The following CFAP61 variants were observed in gnomAD, a reference collection of about 807,000 sequenced individuals.
CFAP61 encodes cilia- and flagella-associated protein 61.
A neutral mutation model predicts 135.6 loss-of-function variants in CFAP61; 107 were observed. That is an observed-to-expected ratio of 0.79 (90% CI 0.67 to 0.93). The LOEUF (loss-of-function observed/expected upper bound fraction) is 0.93, where lower values mean the gene tolerates loss of function less well. Among genes scored for constraint, CFAP61 ranks in the 40% least tolerant of loss-of-function variants. The probability of loss-of-function intolerance (pLI) is 0.00; values close to 1 mark genes in which losing one functional copy is unlikely to be tolerated. For synonymous variants in CFAP61, 575 were observed against 578.5 expected (o/e 0.99, Z 0.09); for missense variants, 1,507 against 1,556.2 (o/e 0.97, Z 0.53).
chr20:20,338,481 G>A (rs939303490), intron 25 of CFAP61, among the ~76,000 whole-genome samples: 5 of 151,760 alleles, frequency 3.3e-5, no homozygotes, highest in Non-Finnish European at 5.9e-5. Context: ...AAAGTGATAT[G>A]TTTCTTCCCT....
intron 25 of CFAP61, chr20:20,323,448 C>T (rs1398242292): frequency 6.7e-6 from 2 of 298,740 alleles, no homozygotes; most frequent in African/African-American, 2.3e-5. Context: ...CAAGAGTTAA[C>T]ATATGATTGC....
Position 20,263,168 on chromosome 20 carries a change from C to T in CFAP61, c.2503+38C>T, listed in dbSNP as rs79442295. Reference sequence around the variant, plus strand: ...GTAACTGTGCATCTCTTCAGAATAGCGTTTTATTTTTATAATGAGTCTCAT... The same window carrying T: ...GTAACTGTGCATCTCTTCAGAATAGTGTTTTATTTTTATAATGAGTCTCAT... On this transcript the variant is annotated intron_variant, in intron 21 of 26. Coordinates refer to ENST00000245957, the MANE Select transcript of CFAP61 (RefSeq NM_015585.4). 2.7e-3 allele frequency: 4,032 copies of T among 1,473,742 alleles called. 71 individuals are homozygous for T. In the African/African-American group the frequency reaches 0.047, roughly 17 times the overall value. 91.3% of individuals were successfully genotyped at this position (1,473,742 alleles called of 1,614,324 possible). A position where few individuals can be genotyped will look rare whatever the true frequency, so the allele number is the denominator to read the frequency against.
intron 24 of CFAP61, among the ~76,000 whole-genome samples, chr20:20,296,261 T>C: frequency 1.9e-5 from 1 of 53,836 alleles, no homozygotes; most frequent in Non-Finnish European, 3.9e-5. Context: ...CCTTCCTTTC[T>C]TCACCCCTCC....
At chr20:20,119,710 G>T (rs190049847) in intron 8 of CFAP61, among the ~76,000 whole-genome samples, 1 of 152,182 alleles carries the variant, frequency 6.6e-6, no homozygotes, top group Non-Finnish European at 1.5e-5. Context: ...CATGTCATGG[G>T]GGTTTGTTGG....
At chr20:20,119,100 T>C (rs1297638494) in intron 8 of CFAP61, among the ~76,000 whole-genome samples, 2 of 152,176 alleles carry the variant, frequency 1.3e-5, no homozygotes, top group Admixed American at 6.5e-5. Flanking sequence ...TCTGTTCTTA[T>C]CTGGTTTTGA....
intron 26 of CFAP61, among the ~76,000 whole-genome samples, chr20:20,344,409 A>G (rs2058561948): frequency 6.6e-6 from 1 of 152,262 alleles, no homozygotes; most frequent in Non-Finnish European, 1.5e-5. Flanking sequence ...GGAAAATAAA[A>G]TAAAATGAAT....
intron 8 of CFAP61, among the ~76,000 whole-genome samples, chr20:20,139,106 G>A (rs1224148342): frequency 1.3e-5 from 2 of 152,080 alleles, no homozygotes; most frequent in Non-Finnish European, 2.9e-5. Flanking sequence ...AATGTAAAAA[G>A]CACAAAATTA....
chr20:20,177,030 T>A (rs1018616249), intron 13 of CFAP61, among the ~76,000 whole-genome samples: 4 of 152,180 alleles, frequency 2.6e-5, no homozygotes, highest in Non-Finnish European at 5.9e-5. Context: ...AGGCCACACC[T>A]ACTTTAAACC....
intron 2 of CFAP61, among the ~76,000 whole-genome samples, chr20:20,058,644 G>C (rs2044555696): frequency 6.6e-6 from 1 of 152,214 alleles, no homozygotes; most frequent in Non-Finnish European, 1.5e-5. Context: ...AATAGAGGGG[G>C]ATAAAGTCTC....
At chr20:20,148,288 G>A (rs1468072000) in intron 9 of CFAP61, among the ~76,000 whole-genome samples, 2 of 152,140 alleles carry the variant, frequency 1.3e-5, no homozygotes, top group Non-Finnish European at 2.9e-5. Context: ...GTTCTGTGAA[G>A]AATGACGATA....
intron 18 of CFAP61, among the ~76,000 whole-genome samples, chr20:20,232,319 AG>A (rs542583958): frequency 1.8e-4 from 28 of 151,936 alleles, no homozygotes; most frequent in Non-Finnish European, 3.2e-4. Context: ...TGACTCTTTC[AG>A]GTTTCCACAA....
intron 26 of CFAP61, among the ~76,000 whole-genome samples, chr20:20,357,919 G>A (rs1221891684): frequency 8.4e-5 from 11 of 130,268 alleles, no homozygotes; most frequent in Admixed American, 1.5e-4. Context: ...CACACTGAGG[G>A]GAGGTGGTCA....
chr20:20,284,410 C>T (rs111300267), intron 22 of CFAP61, among the ~76,000 whole-genome samples: 3 of 152,110 alleles, frequency 2.0e-5, no homozygotes, highest in South Asian at 2.1e-4. Context: ...CTCAGCTTCC[C>T]GAGTAGCTGG....
chr20:20,219,170 A>G lies in CFAP61; in HGVS notation c.1933-9079A>G, dbSNP rs150523061. Reference sequence around the variant, plus strand: ...GTATTCCTTCACTTTTTTACTGCCGATAAAACTTACCCACTCTGTCTAGCT... The same window carrying G: ...GTATTCCTTCACTTTTTTACTGCCGGTAAAACTTACCCACTCTGTCTAGCT... On this transcript the variant is annotated intron_variant, in intron 17 of 26. Coordinates refer to ENST00000245957, the MANE Select transcript of CFAP61 (RefSeq NM_015585.4). Among the ~76,000 whole-genome samples the G allele has an allele frequency of 1.7e-3, 262 of 152,336 alleles. 2 individuals are homozygous for G. Among genetic ancestry groups the G allele is most frequent in the African/African-American group, 6.1e-3 (253 of 41,578 alleles).
chr20:20,205,819 C>T (rs1185452228), intron 17 of CFAP61, among the ~76,000 whole-genome samples: 2 of 152,172 alleles, frequency 1.3e-5, no homozygotes, highest in East Asian at 3.9e-4. Flanking sequence ...TTTGTTGTTA[C>T]AAAAAACCTT....
intron 26 of CFAP61, among the ~76,000 whole-genome samples, chr20:20,348,688 T>TAAAAAA (rs2058719859): frequency 9.3e-5 from 1 of 10,754 alleles, no homozygotes. Context: ...AGACTCCGTA[T>TAAAAAA]CAAAAAAAAA....
At chr20:20,304,586 C>G (rs1156297796) in intron 25 of CFAP61, among the ~76,000 whole-genome samples, 3 of 151,498 alleles carry the variant, frequency 2.0e-5, no homozygotes, top group Admixed American at 6.6e-5. Context: ...CCCAGTCACA[C>G]GCTCACACAC....
chr20:20,066,371 T>C (rs2045263938), intron 2 of CFAP61, among the ~76,000 whole-genome samples: 1 of 152,214 alleles, frequency 6.6e-6, no homozygotes, highest in Admixed American at 6.5e-5. Context: ...TAAAGACACA[T>C]GCACACGTAT....
At chr20:20,222,692 G>T (rs1250158787) in intron 17 of CFAP61, among the ~76,000 whole-genome samples, 1 of 152,136 alleles carries the variant, frequency 6.6e-6, no homozygotes, top group Non-Finnish European at 1.5e-5. Context: ...AAGGCTTTTT[G>T]AATTGCATTT....
Sources: allele counts gnomAD v4.1 joint callset (sites outside exome capture counted in the v4.1 genomes callset), GRCh38; gene constraint gnomAD v4.1.1; transcripts MANE v1.5; gene names NCBI Gene and HGNC (gene_info 2026-07-23, HGNC 2026-07-21).